The following CCDC3 variants were observed in gnomAD, a reference collection of about 807,000 sequenced individuals.
CCDC3 encodes the protein coiled-coil domain containing 3.
Under a neutral mutation model 21.4 loss-of-function variants are expected in CCDC3, and 24 were observed. The observed-to-expected ratio is 1.12, with a 90% confidence interval of 0.81 to 1.58. The LOEUF is 1.58. CCDC3 is among the 40% of genes most tolerant of loss of function. The probability of loss-of-function intolerance (pLI) is 0.00; values close to 1 mark genes in which losing one functional copy is unlikely to be tolerated. For synonymous variants in CCDC3, 186 were observed against 166.0 expected (o/e 1.12, Z -0.93); for missense variants, 425 against 360.9 (o/e 1.18, Z -1.44).
At chr10:12,961,571 G>C (rs768619992) in intron 2 of CCDC3, among the ~76,000 whole-genome samples, 1 of 152,060 alleles carries the variant, frequency 6.6e-6, no homozygotes, top group Non-Finnish European at 1.5e-5. Context: ...GGAGGCTCTG[G>C]GACCACGGCA....
intron 5 of CCDC3, among the ~76,000 whole-genome samples, chr10:13,035,136 A>T (rs1016839756): frequency 3.9e-5 from 6 of 152,166 alleles, no homozygotes; most frequent in Admixed American, 6.5e-5. Context: ...CAGGTAGAGA[A>T]CACTGATCTC....
intron 4 of CCDC3, among the ~76,000 whole-genome samples, chr10:13,052,979 CA>C (rs1564333752): frequency 1.4e-3 from 115 of 82,130 alleles, no homozygotes; most frequent in African/African-American, 4.3e-3. Context: ...CACACACACA[CA>C]CACACATACA....
upstream of CCDC3, among the ~76,000 whole-genome samples, chr10:13,001,974 C>T (rs1202497805): frequency 6.6e-6 from 1 of 152,300 alleles, no homozygotes; most frequent in Middle Eastern, 3.4e-3. Flanking sequence ...AGGCGTAAAG[C>T]CTGTTTGCAA....
At chr10:12,987,929 T>A (rs1835622519) in intron 2 of CCDC3, among the ~76,000 whole-genome samples, 1 of 152,202 alleles carries the variant, frequency 6.6e-6, no homozygotes, top group South Asian at 2.1e-4. Flanking sequence ...GCCTAGACAG[T>A]TCCAGTGGTT....
chr10:13,098,710 A>ATTTTTTTTTTTTTTTTTTTTTTTTT lies in CCDC3; in HGVS notation c.-580-109_-580-108insAAAAAAAAAAAAAAAAAAAAAAAAA, dbSNP rs575500494. On this transcript the variant is annotated intron_variant, in intron 2 of 6. Transcript: ENST00000378839. ...GAATGATCAGTTATTTCCTGCACTG[A>ATTTTTTTTTTTTTTTTTTTTTTTTT]TTTTTTTTTTTTTTTTTTTTTTTTG... 5 of 64,854 alleles carry ATTTTTTTTTTTTTTTTTTTTTTTTT rather than the reference A, an allele frequency of 7.7e-5. 2 individuals carry two copies. Among genetic ancestry groups the ATTTTTTTTTTTTTTTTTTTTTTTTT allele is most frequent in the African/African-American group, 3.3e-4 (5 of 15,140 alleles). 4.0% of individuals were successfully genotyped at this position (64,854 alleles called of 1,614,324 possible).
intron 2 of CCDC3, among the ~76,000 whole-genome samples, chr10:12,935,693 T>C (rs1224261295): frequency 4.1e-5 from 6 of 148,106 alleles, no homozygotes; most frequent in Non-Finnish European, 8.9e-5. Flanking sequence ...TGAGACGGAG[T>C]CTTGCTCTGT....
At chr10:12,975,239 C>T (rs1010280962) in intron 2 of CCDC3, among the ~76,000 whole-genome samples, 4 of 152,140 alleles carry the variant, frequency 2.6e-5, no homozygotes, top group South Asian at 2.1e-4. Context: ...GGGTCTTTGA[C>T]GCCTCTGCCC....
chr10:13,049,214 TAAG>T (rs1836571394), intron 5 of CCDC3, among the ~76,000 whole-genome samples: 1 of 152,194 alleles, frequency 6.6e-6, no homozygotes, highest in African/African-American at 2.4e-5. Context: ...ATTTGGTGAA[TAAG>T]GAGATCAGTT....
Position 13,032,491 on chromosome 10 carries a change from GGC to G in CCDC3, c.-2+17181_-2+17182del, listed in dbSNP as rs1836318380. 2.6e-5 allele frequency among the ~76,000 whole-genome samples: 4 copies of G among 152,224 alleles called. No homozygotes were observed. In the South Asian group the frequency reaches 6.2e-4, roughly 24 times the overall value. On this transcript the variant is annotated intron_variant, in intron 5 of 6. Coordinates refer to the CCDC3 transcript ENST00000378839. ...AAATAGTGTTGGAAGTTCTGGCCAG[GGC>G]AATCAGGCAGGAGAAAGAAATAAAG...
intron 4 of CCDC3, among the ~76,000 whole-genome samples, chr10:13,071,705 C>T (rs916734963): frequency 6.6e-6 from 1 of 152,138 alleles, no homozygotes; most frequent in Non-Finnish European, 1.5e-5. Context: ...ACTTTCCGTC[C>T]CTCACGTACT....
intron 4 of CCDC3, among the ~76,000 whole-genome samples, chr10:13,062,583 C>G (rs1836770404): frequency 6.6e-6 from 1 of 152,158 alleles, no homozygotes; most frequent in Non-Finnish European, 1.5e-5. Context: ...AAGCAAGACT[C>G]TGTCTTGTTC....
At chr10:13,007,640 G>T (rs1390657669) in intron 5 of CCDC3, among the ~76,000 whole-genome samples, 1 of 152,020 alleles carries the variant, frequency 6.6e-6, no homozygotes, top group African/African-American at 2.4e-5. Flanking sequence ...CCTTATAAAA[G>T]ACACTTCTGA....
At chr10:13,032,698 C>G (rs1836321667) in intron 5 of CCDC3, among the ~76,000 whole-genome samples, 1 of 152,140 alleles carries the variant, frequency 6.6e-6, no homozygotes, top group Admixed American at 6.5e-5. Flanking sequence ...ACACCAATAA[C>G]AGACAAACAG....
rs760815081 is a variant in CCDC3 at position 12,898,475 on chromosome 10, C to T, written c.754G>A (p.Gly252Ser). 1 of 1,613,296 alleles carries T rather than the reference C, an allele frequency of 6.2e-7. No individual in the cohort carries two copies. Among genetic ancestry groups the T allele is most frequent in the South Asian group, 1.1e-5 (1 of 91,068 alleles). The change falls in exon 3 of 3, where the codon GGC becomes AGC. Residue 252 changes from glycine to serine, a missense_variant. By Grantham distance (56) the Gly-to-Ser change is moderately conservative. Coordinates refer to ENST00000378825, the MANE Select transcript of CCDC3 (RefSeq NM_031455.4). ...CGGGCATTGATGTGCGGCAGCGCGC[C>T]CGCCGCCAGCTTCTCACTGAGTTTC... ...NQKLSEKLAA[G>S]ALPHINARGP...
At chr10:12,980,870 A>G (rs113102857) in intron 2 of CCDC3, among the ~76,000 whole-genome samples, 94 of 152,124 alleles carry the variant, frequency 6.2e-4, no homozygotes, top group African/African-American at 1.8e-3. Flanking sequence ...AGAATCTTCT[A>G]TCTCCTAGAC....
At chr10:12,904,591 T>C (rs1000053917) in intron 2 of CCDC3, among the ~76,000 whole-genome samples, 6 of 150,980 alleles carry the variant, frequency 4.0e-5, no homozygotes, top group African/African-American at 9.7e-5. Flanking sequence ...ATCCATGAGA[T>C]TGAGTGGCCT....
chr10:13,092,635 A>G (rs572374828), intron 3 of CCDC3, among the ~76,000 whole-genome samples: 1 of 152,350 alleles, frequency 6.6e-6, no homozygotes, highest in South Asian at 2.1e-4. Context: ...CCTGGCTCCC[A>G]GTAGATTCAG....
At chr10:13,027,606 G>T (rs1302113978) in intron 5 of CCDC3, among the ~76,000 whole-genome samples, 3 of 151,832 alleles carry the variant, frequency 2.0e-5, no homozygotes, top group African/African-American at 7.3e-5. Context: ...AGCACTTTTG[G>T]AGGCTGAGGC....
At chr10:12,965,525 T>C (rs891223693) in intron 2 of CCDC3, among the ~76,000 whole-genome samples, 4 of 152,182 alleles carry the variant, frequency 2.6e-5, no homozygotes, top group African/African-American at 9.7e-5. Flanking sequence ...CTCCCGATGA[T>C]TGTTAGATTT....
Sources: gnomAD v4.1 joint callset for allele counts (sites outside exome capture counted in the v4.1 genomes callset) on GRCh38, gnomAD v4.1.1 for gene constraint, MANE v1.5 for transcripts, NCBI Gene and HGNC (gene_info 2026-07-23, HGNC 2026-07-21) for gene names.